The following SLC6A16 variants were observed in gnomAD, a reference collection of about 807,000 sequenced individuals.
SLC6A16 encodes the protein orphan sodium- and chloride-dependent neurotransmitter transporter NTT5.
A neutral mutation model predicts 65.4 loss-of-function variants in SLC6A16; 54 were observed. The ratio of observed to expected loss-of-function variants is 0.83; its 90% CI spans 0.66 to 1.04. The LOEUF (loss-of-function observed/expected upper bound fraction) is 1.04, where lower values mean the gene tolerates loss of function less well. SLC6A16 is among the 50% of genes least tolerant of loss of function. SLC6A16 has a pLI of 0.00. For synonymous variants in SLC6A16, 330 were observed against 346.5 expected, an observed-to-expected ratio of 0.95 and a Z score of 0.53; for missense variants, 816 against 914.0, an observed-to-expected ratio of 0.89 and a Z score of 1.38.
In SLC6A16 at chr19:49,311,077, T is replaced by C. The variant is rs1335485989; in HGVS notation, c.271A>G (p.Met91Val). 2 of 1,614,094 alleles carry C rather than the reference T, an allele frequency of 1.2e-6. No individual in the cohort carries two copies. The highest frequency in any genetic ancestry group is 3.3e-5 in the Admixed American group (2 of 60,006). The change falls in exon 2 of 12, where the codon ATG becomes GTG. Residue 91 changes from methionine (M) to valine (V), a missense_variant. By Grantham distance (21) the Met-to-Val change is conservative. Coordinates refer to ENST00000335875, the MANE Select transcript of SLC6A16 (RefSeq NM_014037.3). ...NQKPTHEKVQ[M>V]TEKKESEVLL... ...ACCTCACTCTCTTTCTTCTCTGTCATCTGCACCTTCTCATGCGTGGGTTTC... is the reference window on the plus strand; with the variant it reads ...ACCTCACTCTCTTTCTTCTCTGTCACCTGCACCTTCTCATGCGTGGGTTTC...
upstream of SLC6A16, among the ~76,000 whole-genome samples, chr19:49,328,350 G>A (rs1329491494): frequency 6.6e-6 from 1 of 152,060 alleles, no homozygotes; most frequent in Non-Finnish European, 1.5e-5. Context: ...AAACAGCCTG[G>A]GGAAACCACC....
At chr19:49,328,993 C>A (rs1164466832), upstream of SLC6A16, among the ~76,000 whole-genome samples, 1 of 152,258 alleles carries the variant, frequency 6.6e-6, no homozygotes, top group Non-Finnish European at 1.5e-5. Context: ...CCCCAGCCAA[C>A]ATCTTGACTG....
the SLC6A16 span, among the ~76,000 whole-genome samples, chr19:49,334,764 G>A: frequency 6.6e-6 from 1 of 151,962 alleles, no homozygotes; most frequent in East Asian, 1.9e-4. Context: ...ATGGTAGTGT[G>A]CACCTGTAAT....
At chr19:49,321,908 T>C (rs1970717007) in intron 1 of SLC6A16, among the ~76,000 whole-genome samples, 1 of 149,772 alleles carries the variant, frequency 6.7e-6, no homozygotes, top group African/African-American at 2.5e-5. Flanking sequence ...GGTCACAAAG[T>C]GACACCATGT....
intron 7 of SLC6A16, among the ~76,000 whole-genome samples, chr19:49,304,160 A>G (rs959711914): frequency 8.5e-5 from 13 of 152,248 alleles, no homozygotes; most frequent in African/African-American, 3.1e-4. Flanking sequence ...ATCTTGATTA[A>G]AAGAGGAAAT....
chr19:49,323,902 A>T lies in SLC6A16; in HGVS notation c.-65+1146T>A, dbSNP rs115907471. Among the ~76,000 whole-genome samples the T allele has an allele frequency of 4.5e-3, 690 of 152,298 alleles. 3 individuals are homozygous for T. The highest frequency in any genetic ancestry group is 0.016 in the African/African-American group (658 of 41,574). ...GTGAAAACCAAGCCTCCAGTGGCTC[A>T]GCCTGTAATCCCAGCTCTTTGAAAG... On this transcript the variant is annotated intron_variant, in intron 1 of 11. Transcript: ENST00000335875.
intron 8 of SLC6A16, 151 bp from the exon 9 acceptor site, chr19:49,294,179 G>T: frequency 1.1e-6 from 1 of 906,386 alleles, no homozygotes; most frequent in Non-Finnish European, 1.7e-6. Flanking sequence ...CCCCTGACAT[G>T]GAAAATCAAT....
At chr19:49,309,889 C>A in intron 4 of SLC6A16, 63 bp from the exon 5 acceptor site, 1 of 1,562,670 alleles carries the variant, frequency 6.4e-7, no homozygotes, top group Non-Finnish European at 8.7e-7. Flanking sequence ...TCCTTATCCC[C>A]TCCCCCACCT....
chr19:49,320,357 G>T (rs1232219915), intron 1 of SLC6A16, among the ~76,000 whole-genome samples: 1 of 150,098 alleles, frequency 6.7e-6, no homozygotes, highest in Non-Finnish European at 1.5e-5. Context: ...GCAGTGAGCC[G>T]AGATCACACC....
intron 7 of SLC6A16, among the ~76,000 whole-genome samples, chr19:49,299,826 C>G (rs991093833): frequency 6.6e-5 from 10 of 151,560 alleles, no homozygotes; most frequent in Non-Finnish European, 1.0e-4. Context: ...AGTTCAAGAC[C>G]AGCCTGGCCA....
chr19:49,314,294 T>A (rs1048930741), intron 1 of SLC6A16, among the ~76,000 whole-genome samples: 2 of 152,004 alleles, frequency 1.3e-5, no homozygotes, highest in Non-Finnish European at 2.9e-5. Context: ...AATCCATGAA[T>A]CCACAGGGAT....
At position 49,325,176 on chromosome 19, in the gene SLC6A16, C is replaced by T. The variant is rs894010515; in HGVS notation, c.-193G>A. ...TCAGGCGTCGACAGATCGGTTTGGG[C>T]GACACCCCTCGATCTGCCTGGCGCG... is the stretch of plus-strand genomic sequence containing the variant. On this transcript the variant is annotated 5_prime_UTR_variant, in exon 1 of 12. Coordinates refer to ENST00000335875, the MANE Select transcript of SLC6A16 (RefSeq NM_014037.3). 8 of 985,338 alleles carry T rather than the reference C, an allele frequency of 8.1e-6. No individual in the cohort carries two copies. The highest frequency in any genetic ancestry group is 1.1e-4 in the East Asian group (1 of 8,830). 61.0% of individuals were successfully genotyped at this position (985,338 alleles called of 1,614,324 possible). A position where few individuals can be genotyped will look rare whatever the true frequency, so the allele number is the denominator to read the frequency against.
chr19:49,335,801 G>A, the SLC6A16 span: 7 of 1,601,422 alleles, frequency 4.4e-6, no homozygotes, highest in Admixed American at 1.2e-4. This position sits in a 1 kb window ranked among gnomAD's most constrained non-coding sequence, Gnocchi z 4.6. Flanking sequence ...GGGGGGCTGG[G>A]GCAGGTGGGA....
At chr19:49,333,726 T>A in the SLC6A16 span, among the ~76,000 whole-genome samples, 1 of 152,028 alleles carries the variant, frequency 6.6e-6, no homozygotes, top group Non-Finnish European at 1.5e-5. Context: ...GCAGGAGGGA[T>A]CTGGCTAAGA....
intron 7 of SLC6A16, among the ~76,000 whole-genome samples, chr19:49,306,311 AAAAG>A (rs996004720): frequency 2.0e-5 from 3 of 152,072 alleles, no homozygotes; most frequent in Non-Finnish European, 4.4e-5. Flanking sequence ...AAAAAAAAGA[AAAAG>A]AAAGAGCACA....
At chr19:49,337,584 G>A in the SLC6A16 span, 1 of 1,321,740 alleles carries the variant, frequency 7.6e-7, no homozygotes, top group Non-Finnish European at 1.0e-6. Context: ...CACTCAGCCT[G>A]GGTGACAGAG....
intron 2 of SLC6A16, 29 bp from the exon 3 acceptor site, chr19:49,310,539 A>G: frequency 2.5e-6 from 4 of 1,613,630 alleles, no homozygotes; most frequent in Non-Finnish European, 3.4e-6. Context: ...AGGGACTCTG[A>G]GAACCATGTG....
chr19:49,338,099 C>T, the SLC6A16 span: 5 of 1,569,944 alleles, frequency 3.2e-6, no homozygotes, highest in Non-Finnish European at 4.3e-6. The surrounding 1 kb of genome is among the most constrained non-coding windows in gnomAD (Gnocchi z 5.0). Flanking sequence ...GAGACTCCAC[C>T]CCAACGTGGG....
rs544924759 is a variant in SLC6A16, at chr19:49,294,005, T to C, written c.1440A>G (p.Ala480=). 1.2e-6 allele frequency: 2 copies of C among 1,612,512 alleles called. No homozygotes were observed. Among genetic ancestry groups the C allele is most frequent in the South Asian group, 2.2e-5 (2 of 91,064 alleles). The change falls in exon 9 of 12, where the codon GCA becomes GCG. Residue 480 remains alanine (A), a synonymous_variant. Coordinates refer to ENST00000335875, the MANE Select transcript of SLC6A16 (RefSeq NM_014037.3). ...ACATGGCTTCAACAAAGGACAGGAATGCAAACTTTGGGCCCTCGCTAGCCT... is the reference window on the plus strand; with the variant it reads ...ACATGGCTTCAACAAAGGACAGGAACGCAAACTTTGGGCCCTCGCTAGCCT... The part of the protein sequence containing the change: ...FLKASEGPKF[A]FLSFVEAMSF...
Sources: allele counts gnomAD v4.1 joint callset (sites outside exome capture counted in the v4.1 genomes callset), GRCh38; gene constraint gnomAD v4.1.1; non-coding constraint Gnocchi (gnomAD v3.1); transcripts MANE v1.5; gene names NCBI Gene and HGNC (gene_info 2026-07-23, HGNC 2026-07-21).